PCDH9: variants seen among roughly 807,000 people sequenced by gnomAD.
PCDH9 encodes the protein protocadherin-9.
In PCDH9, 24 loss-of-function variants were observed where a neutral mutation model predicts 70.6. That is an observed-to-expected ratio of 0.34 (90% confidence interval 0.25 to 0.48). The LOEUF (loss-of-function observed/expected upper bound fraction) is 0.48, where lower values mean the gene tolerates loss of function less well. Among genes scored for constraint, PCDH9 ranks in the 20% least tolerant of loss-of-function variants. The pLI is 0.99. For missense variants in PCDH9, 1,281 were observed against 1,503.6 expected (o/e 0.85, Z 2.45); for synonymous variants, 562 against 558.5 (o/e 1.01, Z -0.09).
rs551664716 is a variant in PCDH9, at chr13:67,144,048, C to A, written c.3036+81357G>T. 5.2e-4 allele frequency among the ~76,000 whole-genome samples: 79 copies of A among 152,158 alleles called. No homozygotes were observed. In the Middle Eastern group the frequency reaches 0.014, roughly 26 times the overall value. ...GGGCAAAACTATCTCAAAGAAATTCCCTTTAGTCCAAGGAAGGCAAAAAGG... is the reference window on the plus strand; with the variant it reads ...GGGCAAAACTATCTCAAAGAAATTCACTTTAGTCCAAGGAAGGCAAAAAGG... On this transcript the variant is annotated intron_variant, in intron 2 of 4. Coordinates refer to ENST00000377865, the MANE Select transcript of PCDH9 (RefSeq NM_203487.3).
chr13:67,113,881 T>C lies in PCDH9; in HGVS notation c.3036+111524A>G, dbSNP rs551995914. 4.6e-5 allele frequency among the ~76,000 whole-genome samples: 7 copies of C among 152,248 alleles called. No homozygotes were observed. In the South Asian group the frequency reaches 1.4e-3, roughly 32 times the overall value. On this transcript the variant is annotated intron_variant, in intron 2 of 4. Transcript: ENST00000377865. The stretch of plus-strand genomic sequence containing the variant: ...GGATCACACTGAGAAATGCAATCAC[T>C]GAGGTGGGAAATAAAATGTACTTCT...
intron 4 of PCDH9, among the ~76,000 whole-genome samples, chr13:66,353,493 A>G (rs985869706): frequency 1.3e-5 from 2 of 152,090 alleles, no homozygotes; most frequent in Non-Finnish European, 2.9e-5. Context: ...TTTTCATTCA[A>G]TTCAGATTTT....
intron 3 of PCDH9, among the ~76,000 whole-genome samples, chr13:66,819,534 T>A (rs531210903): frequency 1.3e-5 from 2 of 152,170 alleles, no homozygotes; most frequent in Non-Finnish European, 2.9e-5. Flanking sequence ...ACACTTCTCA[T>A]TGGACTTTCA....
intron 4 of PCDH9, among the ~76,000 whole-genome samples, chr13:66,520,034 G>A (rs967331782): frequency 2.0e-5 from 3 of 152,050 alleles, no homozygotes; most frequent in Non-Finnish European, 2.9e-5. Flanking sequence ...AAAAGTGAGC[G>A]GGCCTTGTCC....
intron 3 of PCDH9, among the ~76,000 whole-genome samples, chr13:66,649,353 T>C (rs1431190634): frequency 6.6e-6 from 1 of 151,978 alleles, no homozygotes; most frequent in Non-Finnish European, 1.5e-5. Flanking sequence ...CCAATACATC[T>C]GGCAAAAGAC....
At chr13:66,382,297 G>T (rs974880046) in intron 4 of PCDH9, among the ~76,000 whole-genome samples, 6 of 152,010 alleles carry the variant, frequency 3.9e-5, no homozygotes, top group Non-Finnish European at 8.8e-5. Flanking sequence ...AATCTAATTA[G>T]CAAGAATAGG....
At chr13:66,687,605 A>G (rs191440800) in intron 3 of PCDH9, among the ~76,000 whole-genome samples, 92 of 152,106 alleles carry the variant, frequency 6.0e-4, no homozygotes, top group African/African-American at 2.2e-3. Flanking sequence ...TATTCTTTTG[A>G]TTTCTAAAAC....
At chr13:66,794,922 G>C (rs1205740316) in intron 3 of PCDH9, among the ~76,000 whole-genome samples, 1 of 150,262 alleles carries the variant, frequency 6.7e-6, no homozygotes, top group East Asian at 2.0e-4. Context: ...TTCAGTTCTG[G>C]TGTCACTAAT....
In PCDH9 at chr13:67,018,587, T is replaced by C. The variant is rs567526150; in HGVS notation, c.3037-114982A>G. ...TGAACCTAGATTGTGCCACTGCACT[T>C]CAGCCTGGCAACAGAGCGAGACTCG... On this transcript the variant is annotated intron_variant, in intron 2 of 4. Transcript: ENST00000377865. Among the ~76,000 whole-genome samples, 623 of 142,252 alleles carry C rather than the reference T, an allele frequency of 4.4e-3. 3 individuals are homozygous for C. Among genetic ancestry groups the C allele is most frequent in the Non-Finnish European group, 7.5e-3 (501 of 66,612 alleles). The allele number at this position is 142,252 out of a possible 152,430, so 93.3% of individuals were successfully genotyped here. A position where few individuals can be genotyped will look rare whatever the true frequency, so the allele number is the denominator to read the frequency against.
intron 4 of PCDH9, among the ~76,000 whole-genome samples, chr13:66,522,935 C>T (rs1960062713): frequency 6.6e-6 from 1 of 152,062 alleles, no homozygotes; most frequent in African/African-American, 2.4e-5. Context: ...GACACAATAT[C>T]TTATTCTTAT....
chr13:67,229,475 C>A (rs543657271), intron 1 of PCDH9, among the ~76,000 whole-genome samples: 1 of 152,272 alleles, frequency 6.6e-6, no homozygotes, highest in East Asian at 1.9e-4. Flanking sequence ...ATACTGCAAC[C>A]CAATCATGCA....
At chr13:67,178,818 A>G (rs1275774028) in intron 2 of PCDH9, among the ~76,000 whole-genome samples, 2 of 152,100 alleles carry the variant, frequency 1.3e-5, no homozygotes, top group Non-Finnish European at 2.9e-5. Flanking sequence ...AGATTTACAC[A>G]AATAATTTCA....
chr13:66,898,768 T>C (rs1414298688), intron 3 of PCDH9, among the ~76,000 whole-genome samples: 2 of 152,212 alleles, frequency 1.3e-5, no homozygotes, highest in Non-Finnish European at 2.9e-5. Context: ...TATTTTATTA[T>C]TTAAAAGTAG....
chr13:67,027,587 G>T (rs1451297933), intron 2 of PCDH9, among the ~76,000 whole-genome samples: 32 of 150,514 alleles, frequency 2.1e-4, no homozygotes, highest in African/African-American at 6.8e-4. Context: ...TTAAACTAAA[G>T]AGCTTCTGCA....
intron 3 of PCDH9, among the ~76,000 whole-genome samples, chr13:66,749,789 T>A (rs888015056): frequency 9.9e-5 from 15 of 152,140 alleles, no homozygotes; most frequent in Admixed American, 5.2e-4. Flanking sequence ...AGGAATAGGA[T>A]GAACTGGTGA....
chr13:67,156,208 C>G (rs1291314710), intron 2 of PCDH9, among the ~76,000 whole-genome samples: 2 of 152,036 alleles, frequency 1.3e-5, no homozygotes, highest in South Asian at 2.1e-4. Flanking sequence ...CCACCACGGC[C>G]CCATCCTGTG....
chr13:67,143,493 T>TC (rs1479627172), intron 2 of PCDH9, among the ~76,000 whole-genome samples: 1 of 152,180 alleles, frequency 6.6e-6, no homozygotes, highest in East Asian at 1.9e-4. Flanking sequence ...CATTCATTTC[T>TC]CCCCTTGTTC....
chr13:66,849,338 G>C (rs1222728775), intron 3 of PCDH9, among the ~76,000 whole-genome samples: 8 of 151,814 alleles, frequency 5.3e-5, no homozygotes, highest in African/African-American at 1.9e-4. Flanking sequence ...CAATGAATTT[G>C]ATGAATTATC....
intron 3 of PCDH9, among the ~76,000 whole-genome samples, chr13:66,836,457 T>A (rs1160961679): frequency 6.6e-6 from 1 of 152,224 alleles, no homozygotes; most frequent in East Asian, 1.9e-4. Flanking sequence ...TATCTGCCTA[T>A]CAAACTTGAC....
Sources: allele counts gnomAD v4.1 joint callset (sites outside exome capture counted in the v4.1 genomes callset), GRCh38; gene constraint gnomAD v4.1.1; transcripts MANE v1.5; gene names NCBI Gene and HGNC (gene_info 2026-07-23, HGNC 2026-07-21).